The following PDGFC variants were observed in gnomAD, a reference collection of about 807,000 sequenced individuals.
The protein encoded by PDGFC is platelet derived growth factor C, also known as platelet-derived growth factor C.
A neutral mutation model predicts 35.5 loss-of-function variants in PDGFC; 12 were observed. The ratio of observed to expected loss-of-function variants is 0.34; its 90% CI spans 0.22 to 0.55. The LOEUF is 0.55. Among genes scored for constraint, PDGFC ranks in the 20% least tolerant of loss-of-function variants. The pLI is 0.91. For missense variants in PDGFC, 322 were observed against 412.4 expected (o/e 0.78, Z 1.90); for synonymous variants, 159 against 148.8 (o/e 1.07, Z -0.50).
chr4:156,838,037 T>C (rs969380290), intron 2 of PDGFC, among the ~76,000 whole-genome samples: 1 of 152,136 alleles, frequency 6.6e-6, no homozygotes. Flanking sequence ...AGCTATAAAT[T>C]ATGCCACTGG....
chr4:156,963,256 C>T (rs12186335), intron 1 of PDGFC, among the ~76,000 whole-genome samples: 2 of 151,938 alleles, frequency 1.3e-5, no homozygotes, highest in Non-Finnish European at 1.5e-5. Context: ...TCACTTGAGC[C>T]TAGGAGTTCA....
chr4:156,971,779 C>T lies in PDGFC; in HGVS notation c.-876G>A, dbSNP rs547070373. ...GCTCCGCGCTAACCTCGGGGCTACG[C>T]GCGGCGTCTCCGCACGGGGTGAAGA... is the stretch of plus-strand genomic sequence containing the variant. On this transcript the variant is annotated 5_prime_UTR_variant, in exon 1 of 6. Transcript: ENST00000502773. 3.5e-4 allele frequency among the ~76,000 whole-genome samples: 53 copies of T among 152,022 alleles called. 1 individual carries two copies. In the East Asian group the frequency reaches 9.7e-3, roughly 28 times the overall value.
intron 3 of PDGFC, among the ~76,000 whole-genome samples, chr4:156,773,233 C>A (rs991414992): frequency 6.6e-6 from 1 of 152,096 alleles, no homozygotes; most frequent in Non-Finnish European, 1.5e-5. Context: ...CTTTTCTTTT[C>A]CACTTTTCAT....
chr4:156,838,933 C>A (rs1175253992), intron 2 of PDGFC, among the ~76,000 whole-genome samples: 1 of 152,102 alleles, frequency 6.6e-6, no homozygotes, highest in Non-Finnish European at 1.5e-5. Flanking sequence ...TAAAGTGGGA[C>A]CAGGGGGCCA....
chr4:156,890,237 C>T (rs1449079079), intron 1 of PDGFC, among the ~76,000 whole-genome samples: 5 of 151,806 alleles, frequency 3.3e-5, no homozygotes, highest in African/African-American at 4.8e-5. Flanking sequence ...GGAAGAGATG[C>T]CTGAGCATTC....
At chr4:156,788,390 C>T (rs895977977) in intron 3 of PDGFC, among the ~76,000 whole-genome samples, 10 of 151,922 alleles carry the variant, frequency 6.6e-5, no homozygotes, top group Admixed American at 2.0e-4. Flanking sequence ...ATTCATGAGT[C>T]GGTATTTTAG....
intron 3 of PDGFC, chr4:156,778,208 A>G (rs1479038503): frequency 1.0e-5 from 4 of 397,444 alleles, no homozygotes; most frequent in Non-Finnish European, 2.1e-5. Context: ...TGCCTTTGTG[A>G]GAAGCCAAGT....
At chr4:156,816,907 G>A (rs1732102462) in intron 2 of PDGFC, among the ~76,000 whole-genome samples, 1 of 152,076 alleles carries the variant, frequency 6.6e-6, no homozygotes, top group African/African-American at 2.4e-5. Context: ...GGTAATTTAG[G>A]CCTATAAATT....
intron 3 of PDGFC, among the ~76,000 whole-genome samples, chr4:156,780,234 AT>A (rs1730942064): frequency 6.6e-6 from 1 of 151,822 alleles, no homozygotes; most frequent in Non-Finnish European, 1.5e-5. Flanking sequence ...TATCGCAGGA[AT>A]TTTTTTCCTA....
At chr4:156,773,679 A>C (rs1252384272) in intron 3 of PDGFC, 1 of 152,224 alleles carries the variant, frequency 6.6e-6, no homozygotes, top group Non-Finnish European at 1.5e-5. Context: ...TCACATACGA[A>C]AAAAGGATAC....
intron 1 of PDGFC, among the ~76,000 whole-genome samples, chr4:156,856,569 A>G (rs1236989768): frequency 6.6e-6 from 1 of 152,104 alleles, no homozygotes; most frequent in Middle Eastern, 3.2e-3. Context: ...TTATGGATTC[A>G]CTTTTCTACC....
intron 1 of PDGFC, among the ~76,000 whole-genome samples, chr4:156,893,060 A>G (rs1264252940): frequency 1.3e-5 from 2 of 152,220 alleles, no homozygotes; most frequent in Middle Eastern, 3.4e-3. Context: ...TCCCTTCTCA[A>G]TGATCTACCC....
At chr4:156,823,444 T>C (rs1732326130) in intron 2 of PDGFC, among the ~76,000 whole-genome samples, 2 of 152,216 alleles carry the variant, frequency 1.3e-5, no homozygotes, top group Admixed American at 1.3e-4. Flanking sequence ...AGTGATAGTT[T>C]TGTTTTGTTC....
chr4:156,893,861 T>C (rs139738292), intron 1 of PDGFC, among the ~76,000 whole-genome samples: 1 of 152,174 alleles, frequency 6.6e-6, no homozygotes, highest in African/African-American at 2.4e-5. Flanking sequence ...ACACACATTA[T>C]ATGTTAAAGT....
intron 1 of PDGFC, among the ~76,000 whole-genome samples, chr4:156,964,460 C>CATATATATACAGTATATATATAGTGAT (rs1732417858): frequency 2.0e-5 from 3 of 147,060 alleles, no homozygotes; most frequent in South Asian, 2.1e-4. Flanking sequence ...ATATATAGTA[C>CATATATATACAGTATATATATAGTGAT]ATATATATAC....
intron 2 of PDGFC, among the ~76,000 whole-genome samples, chr4:156,818,606 C>T (rs1163611234): frequency 6.7e-6 from 1 of 150,204 alleles, no homozygotes; most frequent in Admixed American, 6.7e-5. Flanking sequence ...CTGCAAGCTC[C>T]GCCTCCTGGG....
intron 1 of PDGFC, among the ~76,000 whole-genome samples, chr4:156,906,416 T>C (rs950245662): frequency 1.3e-5 from 2 of 152,134 alleles, no homozygotes; most frequent in African/African-American, 4.8e-5. Context: ...TAGTGTAAAG[T>C]AGGAATAATC....
At chr4:156,826,992 G>A (rs1728775975) in intron 2 of PDGFC, among the ~76,000 whole-genome samples, 1 of 152,138 alleles carries the variant, frequency 6.6e-6, no homozygotes, top group African/African-American at 2.4e-5. Flanking sequence ...AGTATTTTAA[G>A]CATTTATGTT....
intron 3 of PDGFC, among the ~76,000 whole-genome samples, chr4:156,773,145 T>C (rs1730733650): frequency 6.6e-6 from 1 of 152,206 alleles, no homozygotes; most frequent in South Asian, 2.1e-4. Flanking sequence ...CTTTTGGTCA[T>C]ATAAAAGAAT....
Sources: gnomAD v4.1 joint callset for allele counts (sites outside exome capture counted in the v4.1 genomes callset) on GRCh38, gnomAD v4.1.1 for gene constraint, MANE v1.5 for transcripts, NCBI Gene and HGNC (gene_info 2026-07-23, HGNC 2026-07-21) for gene names.